The following TRPA1 variants were observed in gnomAD, a reference collection of about 807,000 sequenced individuals.
TRPA1 encodes ankyrin-like with transmembrane domains 1.
TRPA1 carries 129 observed loss-of-function variants against 131.3 expected under a neutral mutation model. The observed-to-expected ratio is 0.98, with a 90% confidence interval of 0.85 to 1.14. TRPA1 has a LOEUF of 1.14. Among genes scored for constraint, TRPA1 ranks in the 50% most tolerant of loss-of-function variants. The probability of loss-of-function intolerance (pLI) is 0.00; values close to 1 mark genes in which losing one functional copy is unlikely to be tolerated. For synonymous variants in TRPA1, 441 were observed against 451.7 expected, an observed-to-expected ratio of 0.98 and a Z score of 0.30; for missense variants, 1,304 against 1,354.2, an observed-to-expected ratio of 0.96 and a Z score of 0.58.
chr8:72,031,276 C>G (rs10100108), intron 23 of TRPA1, among the ~76,000 whole-genome samples: 2 of 151,868 alleles, frequency 1.3e-5, no homozygotes, highest in African/African-American at 4.8e-5. Context: ...TACATTGACC[C>G]CCATCAAAAC....
intron 17 of TRPA1, among the ~76,000 whole-genome samples, chr8:72,044,328 T>C (rs1428723125): frequency 6.6e-6 from 1 of 151,950 alleles, no homozygotes; most frequent in Admixed American, 6.6e-5. Flanking sequence ...ATAAAAAATA[T>C]GGAAAAATAT....
At chr8:72,038,111 T>C in intron 19 of TRPA1, 39 bp from the exon 20 acceptor site, 1 of 1,024,862 alleles carries the variant, frequency 9.8e-7, no homozygotes, top group Non-Finnish European at 1.5e-6. Context: ...TTATGAGAGA[T>C]ATAAAACACT....
At position 72,065,567 on chromosome 8, in the gene TRPA1, A is replaced by C; in HGVS notation, c.445-9T>G. ...CTATGCTCAAGCAAGACCTAAAAAA[A>C]GGGGAGAATAATTGTCAAAATTTTT... On this transcript the variant is annotated splice_polypyrimidine_tract_variant and intron_variant, in intron 3 of 26. Transcript: ENST00000262209. The C allele has an allele frequency of 6.2e-7, 1 of 1,608,952 alleles. No homozygotes were observed. The highest frequency in any genetic ancestry group is 8.5e-7 in the Non-Finnish European group (1 of 1,175,996).
At chr8:72,080,536 C>T (rs1297173648), upstream of TRPA1, among the ~76,000 whole-genome samples, 1 of 151,684 alleles carries the variant, frequency 6.6e-6, no homozygotes, top group African/African-American at 2.4e-5. Context: ...GTAGTTGCCT[C>T]TTTTTGTGAT....
At position 72,021,432 on chromosome 8, in the gene TRPA1, T is replaced by C. The variant is rs965554825; in HGVS notation, c.*1474A>G. The C allele has an allele frequency of 6.6e-6, 1 of 152,190 alleles. No homozygotes were observed. Among genetic ancestry groups the C allele is most frequent in the Non-Finnish European group, 1.5e-5 (1 of 68,042 alleles). The allele number at this position is 152,190 out of a possible 1,614,324, so 9.4% of individuals were successfully genotyped here. ...TGATCAGGAGATCTTTGGATATTGC[T>C]TCTGTATAGTGATTTTCCACCCTTT... On this transcript the variant is annotated 3_prime_UTR_variant, in exon 27 of 27. Transcript: ENST00000262209.
intron 4 of TRPA1, among the ~76,000 whole-genome samples, chr8:72,063,830 T>A (rs1468520884): frequency 1.3e-5 from 2 of 152,124 alleles, no homozygotes; most frequent in Non-Finnish European, 2.9e-5. Context: ...AGCAATAAAG[T>A]CAACACATTT....
intron 13 of TRPA1, chr8:72,053,218 G>GT (rs1723667222): frequency 4.9e-6 from 1 of 202,910 alleles, no homozygotes; most frequent in Non-Finnish European, 1.0e-5. Flanking sequence ...GCTTGTAAAT[G>GT]TTTTTTAAAA....
intron 13 of TRPA1, chr8:72,053,429 T>A (rs1208843823): frequency 5.2e-6 from 2 of 382,514 alleles, no homozygotes; most frequent in Non-Finnish European, 9.9e-6. Flanking sequence ...AAAATAACAC[T>A]TATCTTAATG....
At chr8:72,046,673 AT>A in intron 16 of TRPA1, 65 bp from the exon 17 acceptor site, 1 of 827,124 alleles carries the variant, frequency 1.2e-6, no homozygotes, top group South Asian at 1.7e-5. Flanking sequence ...CCCCAAAGTA[AT>A]TCTTGAAAAA....
rs1336253813 is a variant in TRPA1, at chr8:72,025,876, A to C, written c.3051+84T>G. On this transcript the variant is annotated intron_variant, in intron 25 of 26. Transcript: ENST00000262209. ...AGGCAGAGAAGACTCAAAGTCTATA[A>C]AAGGGCCCCCTTAGGGTTAACACAA... The C allele has an allele frequency of 3.4e-6, 4 of 1,185,408 alleles. No homozygotes were observed. The Admixed American group carries it at 5.6e-5, about 16-fold the overall frequency. 73.4% of individuals were successfully genotyped at this position (1,185,408 alleles called of 1,614,324 possible). A position where few individuals can be genotyped will look rare whatever the true frequency, so the allele number is the denominator to read the frequency against.
rs139929384 is a variant in TRPA1 at position 72,044,646 on chromosome 8, C to T, written c.2061+1867G>A. On this transcript the variant is annotated intron_variant, in intron 17 of 26. Coordinates refer to ENST00000262209, the MANE Select transcript of TRPA1 (RefSeq NM_007332.3). ...TTGCATGCACCATTAATGAAAATAG[C>T]CTCTCACTGGCTCCAGTTTGTCTTA... Among the ~76,000 whole-genome samples, 15 of 152,084 alleles carry T rather than the reference C, an allele frequency of 9.9e-5. No individual in the cohort carries two copies. In the East Asian group the frequency reaches 2.9e-3, roughly 29 times the overall value.
At chr8:72,023,580 G>A in intron 26 of TRPA1, 1 of 466,906 alleles carries the variant, frequency 2.1e-6, no homozygotes, top group East Asian at 3.9e-5. Flanking sequence ...AAGGAAATCA[G>A]CATTTTAATT....
chr8:72,050,580 T>C (rs1805476497), intron 15 of TRPA1, among the ~76,000 whole-genome samples, 198 bp downstream of exon 15: 1 of 152,176 alleles, frequency 6.6e-6, no homozygotes, highest in Non-Finnish European at 1.5e-5. Context: ...TACCATATTA[T>C]TCTCTATTAC....
At chr8:72,072,858 G>C (rs1563407417) in intron 1 of TRPA1, among the ~76,000 whole-genome samples, 1 of 152,152 alleles carries the variant, frequency 6.6e-6, no homozygotes. Flanking sequence ...AGGTTCAGAT[G>C]CTCACAAGGC....
chr8:72,090,000 A>G, the TRPA1 span, among the ~76,000 whole-genome samples: 1 of 152,030 alleles, frequency 6.6e-6, no homozygotes, highest in African/African-American at 2.4e-5. Context: ...GGCATAAATA[A>G]TCAAGCGGAG....
At chr8:72,053,470 C>T (rs1163284817) in intron 13 of TRPA1, 1 of 453,708 alleles carries the variant, frequency 2.2e-6, no homozygotes, top group Non-Finnish European at 4.1e-6. Flanking sequence ...TTTCTCTGGA[C>T]CTACCAGGGA....
chr8:72,043,917 G>T (rs556199886), intron 17 of TRPA1, among the ~76,000 whole-genome samples: 49 of 151,854 alleles, frequency 3.2e-4, no homozygotes, highest in African/African-American at 1.2e-3. Context: ...TTCTGGGTTA[G>T]TAGGTCTAAG....
intron 24 of TRPA1, among the ~76,000 whole-genome samples, chr8:72,028,115 G>C (rs12550748): frequency 0.11 from 16,851 of 152,118 alleles, 1,190 homozygotes; most frequent in Admixed American, 0.23. Context: ...CACCATCTTT[G>C]TGACAGTAAT....
chr8:72,087,407 A>G, the TRPA1 span, among the ~76,000 whole-genome samples: 1 of 152,136 alleles, frequency 6.6e-6, no homozygotes, highest in Non-Finnish European at 1.5e-5. Flanking sequence ...GGAGGAATTG[A>G]TGTTCAGTGT....
Sources: allele counts gnomAD v4.1 joint callset (sites outside exome capture counted in the v4.1 genomes callset), GRCh38; gene constraint gnomAD v4.1.1; transcripts MANE v1.5; gene names NCBI Gene and HGNC (gene_info 2026-07-23, HGNC 2026-07-21).